The following LPP variants were observed in gnomAD, a reference collection of about 807,000 sequenced individuals.
LPP encodes the protein lipoma-preferred partner.
In LPP, 38 loss-of-function variants were observed where a neutral mutation model predicts 60.4. The ratio of observed to expected loss-of-function variants is 0.63; its 90% CI spans 0.49 to 0.83. The LOEUF (loss-of-function observed/expected upper bound fraction) is 0.83, where lower values mean the gene tolerates loss of function less well. Ranked by LOEUF, LPP falls within the 40% of genes least tolerant of loss-of-function variation. The pLI, the probability that LPP is intolerant of heterozygous loss-of-function variation, is 0.00. For synonymous variants in LPP, 328 were observed against 290.8 expected, an observed-to-expected ratio of 1.13 and a Z score of -1.30; for missense variants, 902 against 783.6, an observed-to-expected ratio of 1.15 and a Z score of -1.80.
At chr3:188,287,713 G>A (rs1301044427) in intron 2 of LPP, among the ~76,000 whole-genome samples, 3 of 152,008 alleles carry the variant, frequency 2.0e-5, no homozygotes, top group Non-Finnish European at 4.4e-5. Flanking sequence ...TTTTTCTCTG[G>A]CAAGAAGCTA....
chr3:188,799,403 A>G (rs1746328835), intron 9 of LPP, among the ~76,000 whole-genome samples: 1 of 152,148 alleles, frequency 6.6e-6, no homozygotes, highest in Non-Finnish European at 1.5e-5. Flanking sequence ...TTCCTCAGAG[A>G]TATTTTTTGC....
intron 4 of LPP, among the ~76,000 whole-genome samples, chr3:188,446,047 G>A (rs1042408267): frequency 3.3e-5 from 5 of 152,178 alleles, no homozygotes; most frequent in Non-Finnish European, 7.3e-5. Flanking sequence ...TTTTCAGTAA[G>A]AGCCTTCTCA....
At chr3:188,743,582 C>T (rs1725167952) in intron 8 of LPP, 2 of 151,952 alleles carry the variant, frequency 1.3e-5, no homozygotes, top group Admixed American at 1.3e-4. Context: ...CATTAAGTCT[C>T]AACAGTATTC....
intron 1 of LPP, among the ~76,000 whole-genome samples, chr3:188,205,710 G>T (rs141547860): frequency 6.6e-6 from 1 of 152,202 alleles, no homozygotes; most frequent in South Asian, 2.1e-4. Flanking sequence ...GTACATGTCA[G>T]ACCTTGGAAT....
intron 4 of LPP, among the ~76,000 whole-genome samples, chr3:188,438,570 C>T (rs1792961036): frequency 6.6e-6 from 1 of 152,164 alleles, no homozygotes; most frequent in African/African-American, 2.4e-5. Flanking sequence ...GTAGTAACTA[C>T]ACTGTTCTTC....
chr3:188,701,842 G>C (rs1322531374), intron 7 of LPP, among the ~76,000 whole-genome samples: 1 of 151,068 alleles, frequency 6.6e-6, no homozygotes, highest in Non-Finnish European at 1.5e-5. Context: ...TAAAAACTCA[G>C]CTCCCATTTT....
intron 3 of LPP, among the ~76,000 whole-genome samples, chr3:188,357,084 C>T (rs1480969189): frequency 6.6e-6 from 1 of 152,122 alleles, no homozygotes; most frequent in Non-Finnish European, 1.5e-5. Context: ...CTATGTATGT[C>T]CCCAGACATG....
intron 2 of LPP, among the ~76,000 whole-genome samples, chr3:188,274,489 T>G (rs556163562): frequency 1.3e-5 from 2 of 152,276 alleles, no homozygotes; most frequent in African/African-American, 4.8e-5. Context: ...TGGGATTGAA[T>G]TGGATTTCTC....
At chr3:188,779,460 G>A (rs184074822) in intron 9 of LPP, among the ~76,000 whole-genome samples, 3 of 152,246 alleles carry the variant, frequency 2.0e-5, no homozygotes, top group Admixed American at 2.0e-4. Flanking sequence ...GTGCCGTTTG[G>A]TTCCCTTTCA....
Position 188,890,361 on chromosome 3 carries a change from G to T in LPP, c.*15882G>T. On this transcript the variant is annotated 3_prime_UTR_variant, in exon 12 of 12. Coordinates refer to ENST00000617246, the MANE Select transcript of LPP (RefSeq NM_001375462.1). ...GTTTCTCTTTTTTCTTGTATTCTTA[G>T]CAAATTGCATTTATTCACTACATTA... The T allele has an allele frequency of 4.9e-6, 1 of 203,658 alleles. No individual in the cohort carries two copies. The highest frequency in any genetic ancestry group is 1.0e-5 in the Non-Finnish European group (1 of 99,254). The allele number at this position is 203,658 out of a possible 1,614,324, so 12.6% of individuals were successfully genotyped here.
intron 5 of LPP, among the ~76,000 whole-genome samples, chr3:188,502,622 A>G (rs1812241804): frequency 6.6e-6 from 1 of 152,212 alleles, no homozygotes; most frequent in African/African-American, 2.4e-5. Flanking sequence ...TGATAAGTAG[A>G]GAATTACTTC....
chr3:188,495,312 C>T (rs889653448), intron 5 of LPP, among the ~76,000 whole-genome samples: 5 of 149,350 alleles, frequency 3.3e-5, no homozygotes, highest in Non-Finnish European at 5.9e-5. Flanking sequence ...AATTCAGTGC[C>T]TTGGTAATAA....
intron 3 of LPP, among the ~76,000 whole-genome samples, chr3:188,405,614 C>G (rs1442650260): frequency 1.3e-5 from 2 of 152,042 alleles, no homozygotes; most frequent in Non-Finnish European, 2.9e-5. Flanking sequence ...TTTTCTGCAT[C>G]TCAGCAACAC....
chr3:188,401,173 G>C (rs901374960), intron 3 of LPP, among the ~76,000 whole-genome samples: 6 of 152,076 alleles, frequency 3.9e-5, no homozygotes, highest in African/African-American at 1.4e-4. Context: ...CATCCTACAT[G>C]ATTCAATTTT....
chr3:188,245,494 A>T (rs1325598271), intron 2 of LPP, among the ~76,000 whole-genome samples: 1 of 152,118 alleles, frequency 6.6e-6, no homozygotes, highest in Non-Finnish European at 1.5e-5. Context: ...TTCTCAGTAG[A>T]TGTTTGCTGA....
intron 5 of LPP, 80 bp from the exon 6 acceptor site, chr3:188,524,585 A>G (rs1375483832): frequency 6.8e-7 from 1 of 1,470,164 alleles, no homozygotes; most frequent in Non-Finnish European, 9.1e-7. Flanking sequence ...ACAAAGCCAC[A>G]TTATAACTTG....
At chr3:188,432,302 A>G (rs541232090) in intron 4 of LPP, among the ~76,000 whole-genome samples, 191 of 152,284 alleles carry the variant, frequency 1.3e-3, no homozygotes, top group African/African-American at 4.5e-3. Context: ...TATTTGTTAA[A>G]TGTGCATGTA....
At chr3:188,835,987 C>G (rs1264658701) in intron 9 of LPP, among the ~76,000 whole-genome samples, 2 of 152,158 alleles carry the variant, frequency 1.3e-5, no homozygotes, top group Non-Finnish European at 2.9e-5. Flanking sequence ...TATTATAGAT[C>G]TTGTGAATAC....
At chr3:188,506,318 A>G (rs1229044152) in intron 5 of LPP, among the ~76,000 whole-genome samples, 3 of 152,194 alleles carry the variant, frequency 2.0e-5, no homozygotes, top group Non-Finnish European at 4.4e-5. Context: ...TAATTAAGAT[A>G]ATGTAGAGTA....
Sources: gnomAD v4.1 joint callset for allele counts (sites outside exome capture counted in the v4.1 genomes callset) on GRCh38, gnomAD v4.1.1 for gene constraint, MANE v1.5 for transcripts, NCBI Gene and HGNC (gene_info 2026-07-23, HGNC 2026-07-21) for gene names.